The following TFAP4 variants were observed in gnomAD, a reference collection of about 807,000 sequenced individuals.
TFAP4 encodes activating enhancer-binding protein 4.
Under a neutral mutation model 40.4 loss-of-function variants are expected in TFAP4, and 7 were observed. The ratio of observed to expected loss-of-function variants is 0.17; its 90% CI spans 0.10 to 0.33. TFAP4 has a LOEUF of 0.33. TFAP4 is among the 10% of genes least tolerant of loss of function. The probability of loss-of-function intolerance (pLI) is 1.00; values close to 1 mark genes in which losing one functional copy is unlikely to be tolerated. For missense variants in TFAP4, 374 were observed against 451.1 expected (o/e 0.83, Z 1.55); for synonymous variants, 218 against 181.4 (o/e 1.20, Z -1.62).
intron 1 of TFAP4, among the ~76,000 whole-genome samples, chr16:4,271,657 C>G (rs962687408): frequency 6.6e-6 from 1 of 152,178 alleles, no homozygotes; most frequent in Admixed American, 6.5e-5. Flanking sequence ...GGGCCACCCA[C>G]CCGGCTGGGG....
rs536418569 is a variant in TFAP4, at chr16:4,257,484, G to C, written c.*571C>G. On this transcript the variant is annotated 3_prime_UTR_variant, in exon 7 of 7. Transcript: ENST00000204517. The stretch of plus-strand genomic sequence containing the variant: ...GGGGGCTGGGGGGTGGGAGAGTGGC[G>C]AATTCTAGTGCCGAGATGGGGAAGG... 8.1e-6 allele frequency: 1 copy of C among 123,562 alleles called. No individual in the cohort carries two copies. The highest frequency in any genetic ancestry group is 2.5e-4 in the East Asian group (1 of 3,930). 7.7% of individuals were successfully genotyped at this position (123,562 alleles called of 1,614,324 possible).
chr16:4,257,816 C>T lies in TFAP4; in HGVS notation c.*239G>A. ...GTCAGCTTCCTCCAGCCCCCGGGGCCGAGGCCCCGCCCTGGGGTGCCGATG... is the reference window on the plus strand; with the variant it reads ...GTCAGCTTCCTCCAGCCCCCGGGGCTGAGGCCCCGCCCTGGGGTGCCGATG... On this transcript the variant is annotated 3_prime_UTR_variant, in exon 7 of 7. Transcript: ENST00000204517. 2 of 426,596 alleles carry T rather than the reference C, an allele frequency of 4.7e-6. No individual in the cohort carries two copies. Among genetic ancestry groups the T allele is most frequent in the Non-Finnish European group, 4.2e-6 (1 of 240,600 alleles). 26.4% of individuals were successfully genotyped at this position (426,596 alleles called of 1,614,324 possible).
rs1405426772 is a variant in TFAP4 at position 4,261,941 on chromosome 16, G to A, written c.363C>T (p.Ser121=). The A allele has an allele frequency of 1.9e-6, 3 of 1,606,370 alleles. No homozygotes were observed. The highest frequency in any genetic ancestry group is 2.5e-6 in the Non-Finnish European group (3 of 1,177,200). Residue 121 remains serine, a synonymous_variant, in exon 4 of 7, where the codon AGC becomes AGT. Transcript: ENST00000204517. ...TQLKRFIQEL[S]GSSPKRRRAE... ...CCCGCCGTCGCTTGGGGGACGAGCC[G>A]CTCAGCTCCTGGGGACCCCAAGGAG...
chr16:4,260,606 G>A lies in TFAP4; in HGVS notation c.526-11C>T. ...CTCCAGCGAGCGCACCTGGAGGCAG[G>A]ACAACCTGGGCTCAGGGCCAAGGCC... On this transcript the variant is annotated splice_polypyrimidine_tract_variant and intron_variant, in intron 4 of 6. Coordinates refer to ENST00000204517, the MANE Select transcript of TFAP4 (RefSeq NM_003223.3). 6.3e-7 allele frequency: 1 copy of A among 1,583,870 alleles called. No individual in the cohort carries two copies. Among genetic ancestry groups the A allele is most frequent in the Non-Finnish European group, 8.6e-7 (1 of 1,166,370 alleles).
chr16:4,258,679 G>A (rs1004693878), intron 6 of TFAP4: 2 of 155,828 alleles, frequency 1.3e-5, no homozygotes, highest in African/African-American at 4.8e-5. Context: ...ACCTCCAAAA[G>A]TCCCGGGATT....
rs746101915 is a variant in TFAP4 at position 4,262,516 on chromosome 16, C to A, written c.255+20G>T. 2 of 1,612,684 alleles carry A rather than the reference C, an allele frequency of 1.2e-6. No individual in the cohort carries two copies. The highest frequency in any genetic ancestry group is 4.5e-5 in the East Asian group (2 of 44,880). ...GGAACCTGCCGGCTCCTCCAGGAAGCCCTCCCTGCTCTCACCCACCTTGCT... is the reference window on the plus strand; with the variant it reads ...GGAACCTGCCGGCTCCTCCAGGAAGACCTCCCTGCTCTCACCCACCTTGCT... On this transcript the variant is annotated intron_variant, in intron 2 of 6. Transcript: ENST00000204517.
chr16:4,269,222 G>T (rs973616029), intron 1 of TFAP4, among the ~76,000 whole-genome samples: 1 of 151,544 alleles, frequency 6.6e-6, no homozygotes, highest in African/African-American at 2.4e-5. Context: ...GGCCAGGCGC[G>T]GTGGCTCACG....
chr16:4,261,216 C>A (rs957605684), intron 4 of TFAP4, among the ~76,000 whole-genome samples: 2 of 152,132 alleles, frequency 1.3e-5, no homozygotes, highest in Non-Finnish European at 2.9e-5. Flanking sequence ...AAGCGATCCT[C>A]CCACCTCAGC....
Position 4,272,845 on chromosome 16 carries a change from C to T in TFAP4, c.-99G>A. 3 of 882,170 alleles carry T rather than the reference C, an allele frequency of 3.4e-6. No individual in the cohort carries two copies. Among genetic ancestry groups the T allele is most frequent in the Non-Finnish European group, 4.6e-6 (3 of 650,410 alleles). 54.6% of individuals were successfully genotyped at this position (882,170 alleles called of 1,614,324 possible). A position where few individuals can be genotyped will look rare whatever the true frequency, so the allele number is the denominator to read the frequency against. The stretch of plus-strand genomic sequence containing the variant: ...CAAAGGGCAGCGCCGGACGGAGGTG[C>T]AGAATCGGCCGGTCCCAGATGCTGG... On this transcript the variant is annotated 5_prime_UTR_variant, in exon 1 of 7. Coordinates refer to ENST00000204517, the MANE Select transcript of TFAP4 (RefSeq NM_003223.3).
intron 4 of TFAP4, 117 bp downstream of exon 4, chr16:4,261,662 C>G (rs1178795416): frequency 8.1e-7 from 1 of 1,233,098 alleles, no homozygotes; most frequent in East Asian, 2.6e-5. Flanking sequence ...AGGCCTGGCA[C>G]CGCAGTAGGT....
Position 4,257,689 on chromosome 16 carries a change from AG to A in TFAP4, c.*365del. Reference sequence around the variant, plus strand: ...TGACAATCCCAGGCTGGCTCTGGGCAGGGAAGAAATAACCTGGGGTTTTGTT... The same window carrying A: ...TGACAATCCCAGGCTGGCTCTGGGCAGGAAGAAATAACCTGGGGTTTTGTT... On this transcript the variant is annotated 3_prime_UTR_variant, in exon 7 of 7. Coordinates refer to ENST00000204517, the MANE Select transcript of TFAP4 (RefSeq NM_003223.3). 5.3e-6 allele frequency: 1 copy of A among 189,612 alleles called. No homozygotes were observed. The highest frequency in any genetic ancestry group is 1.1e-5 in the Non-Finnish European group (1 of 90,708). The allele number at this position is 189,612 out of a possible 1,614,324, so 11.7% of individuals were successfully genotyped here.
rs143657362 is a variant in TFAP4, at chr16:4,272,716, C to T, written c.31G>A (p.Val11Met). ...TTCCTGAAATGTTGCAAAGAGGGCA[C>T]CTTCTGAGTGGGCACCATGAAATAC... MEYFMVPTQK[V>M]PSLQHFRKTE... Residue 11 changes from valine (V) to methionine (M), a missense_variant, in exon 1 of 7, where the codon GTG becomes ATG. Transcript: ENST00000204517. 1 of 1,613,570 alleles carries T rather than the reference C, an allele frequency of 6.2e-7. No homozygotes were observed. Among genetic ancestry groups the T allele is most frequent in the Non-Finnish European group, 8.5e-7 (1 of 1,179,656 alleles).
chr16:4,272,518 G>T, intron 1 of TFAP4, 140 bp downstream of exon 1: 1 of 569,726 alleles, frequency 1.8e-6, no homozygotes, highest in Non-Finnish European at 2.8e-6. Flanking sequence ...CGGCGTGTGG[G>T]GCTGCAGCCG....
At chr16:4,265,783 A>C (rs1298446166) in intron 1 of TFAP4, 3 of 152,154 alleles carry the variant, frequency 2.0e-5, no homozygotes, top group African/African-American at 7.2e-5. Context: ...CGTGGGAAGG[A>C]AGGTGATGAT....
Position 4,262,385 on chromosome 16 carries a change from G to A in TFAP4, c.293C>T (p.Ser98Phe), listed in dbSNP as rs1567201095. Residue 98 changes from serine to phenylalanine, a missense_variant, in exon 3 of 7, where the codon TCC (serine) becomes TTC (phenylalanine). Ser to Phe is a radical substitution (Grantham distance 155). Transcript: ENST00000204517. ...ILQQTAEYIF[S>F]LEQEKTRLLQ... Reference sequence around the variant, plus strand: ...GAGCCTGGTCTTCTCCTGCTCCAGGGAGAAGATGTACTCGGCTGTCTGCTG... The same window carrying A: ...GAGCCTGGTCTTCTCCTGCTCCAGGAAGAAGATGTACTCGGCTGTCTGCTG... The A allele has an allele frequency of 2.5e-6, 4 of 1,614,218 alleles. No homozygotes were observed. The highest frequency in any genetic ancestry group is 2.2e-5 in the South Asian group (2 of 91,084).
At chr16:4,269,849 G>A (rs2053027914) in intron 1 of TFAP4, among the ~76,000 whole-genome samples, 1 of 152,010 alleles carries the variant, frequency 6.6e-6, no homozygotes, top group South Asian at 2.1e-4. Flanking sequence ...CACAAGATAT[G>A]GATGGAGACT....
intron 3 of TFAP4, 131 bp downstream of exon 3, chr16:4,262,193 G>C: frequency 8.7e-7 from 1 of 1,145,658 alleles, no homozygotes; most frequent in East Asian, 2.4e-5. Context: ...GCCGGGGCAG[G>C]AAAAAAAGTG....
At position 4,259,823 on chromosome 16, in the gene TFAP4, C is replaced by A. The variant is rs372549314; in HGVS notation, c.822+267G>T. 2.1e-4 allele frequency among the ~76,000 whole-genome samples: 32 copies of A among 152,320 alleles called. 1 individual carries two copies. The East Asian group carries it at 2.5e-3, about 12-fold the overall frequency. ...ACCAGGGGGCTCTGGGAGCAAAGGA[C>A]CCTCTCCGGAAACCCCATATTGAGG... On this transcript the variant is annotated intron_variant, in intron 6 of 6. Coordinates refer to ENST00000204517, the MANE Select transcript of TFAP4 (RefSeq NM_003223.3).
At chr16:4,271,781 G>A (rs2053042605) in intron 1 of TFAP4, among the ~76,000 whole-genome samples, 2 of 152,182 alleles carry the variant, frequency 1.3e-5, no homozygotes, top group African/African-American at 4.8e-5. Context: ...GGCCTCAGGT[G>A]TCCCTTCCCC....
Sources: gnomAD v4.1 joint callset for allele counts (sites outside exome capture counted in the v4.1 genomes callset) on GRCh38, gnomAD v4.1.1 for gene constraint, MANE v1.5 for transcripts, NCBI Gene and HGNC (gene_info 2026-07-23, HGNC 2026-07-21) for gene names.